The following SLC66A1 variants were observed in gnomAD, a reference collection of about 807,000 sequenced individuals.
SLC66A1 encodes solute carrier family 66 member 1.
A neutral mutation model predicts 33.0 loss-of-function variants in SLC66A1; 23 were observed. The observed-to-expected ratio is 0.70, with a 90% CI of 0.50 to 0.99. SLC66A1 has a LOEUF of 0.99. Among genes scored for constraint, SLC66A1 ranks in the 50% least tolerant of loss-of-function variants. The pLI is 0.00. For missense variants in SLC66A1, 335 were observed against 383.6 expected (o/e 0.87, Z 1.06); for synonymous variants, 164 against 175.5 (o/e 0.93, Z 0.52).
intron 7 of SLC66A1, 83 bp downstream of exon 7, chr1:19,327,495 C>T (rs1372762376): frequency 3.3e-5 from 48 of 1,464,236 alleles, no homozygotes; most frequent in Non-Finnish European, 4.4e-5. Context: ...ACTCATCCGT[C>T]TCTTCCTCCC....
At chr1:19,316,915 T>C (rs1223604001) in intron 1 of SLC66A1, among the ~76,000 whole-genome samples, 2 of 104,926 alleles carry the variant, frequency 1.9e-5, no homozygotes, top group African/African-American at 8.6e-5. Flanking sequence ...TGTCACCTCT[T>C]TTTTTTTTTT....
rs767117968 is a variant in SLC66A1 at position 19,326,571 on chromosome 1, C to T, written c.566C>T (p.Ser189Phe). The T allele has an allele frequency of 1.2e-5, 19 of 1,614,234 alleles. No homozygotes were observed. Among genetic ancestry groups the T allele is most frequent in the Non-Finnish European group, 1.6e-5 (19 of 1,180,048 alleles). ...GAAGTCATTGGCTTCGTCATCGGCT[C>T]CATCTCCAGCGTGTTGTACCTGCTT... ...RQEVIGFVIG[S>F]ISSVLYLLSR... The change falls in exon 6 of 8, where the codon TCC (serine) becomes TTC (phenylalanine). Residue 189 changes from serine (S) to phenylalanine (F), a missense_variant. Ser to Phe is a radical substitution (Grantham distance 155). Coordinates refer to ENST00000375153, the MANE Select transcript of SLC66A1 (RefSeq NM_001040125.2).
intron 2 of SLC66A1, among the ~76,000 whole-genome samples, chr1:19,319,876 C>G (rs2093825673): frequency 6.6e-6 from 1 of 150,486 alleles, no homozygotes; most frequent in African/African-American, 2.4e-5. Flanking sequence ...GCACTCCAGC[C>G]TGGGGGACAA....
intron 1 of SLC66A1, among the ~76,000 whole-genome samples, chr1:19,314,675 C>A (rs963233475): frequency 6.6e-6 from 1 of 152,236 alleles, no homozygotes; most frequent in Non-Finnish European, 1.5e-5. Flanking sequence ...GGTTAATTCA[C>A]TTCCAGGGCT....
intron 6 of SLC66A1, among the ~76,000 whole-genome samples, 192 bp downstream of exon 6, chr1:19,326,815 G>A (rs7540401): frequency 0.21 from 32,501 of 152,240 alleles, 4,107 homozygotes; most frequent in South Asian, 0.33. Context: ...TGGGCGTGGC[G>A]TGGCCTGCCA....
chr1:19,317,877 C>A, intron 2 of SLC66A1, 36 bp downstream of exon 2: 1 of 1,595,072 alleles, frequency 6.3e-7, no homozygotes, highest in Admixed American at 1.7e-5. Flanking sequence ...CAGGGCAGGG[C>A]TGTGGGGTTG....
chr1:19,324,060 C>T (rs2093850657), intron 2 of SLC66A1, among the ~76,000 whole-genome samples: 1 of 152,236 alleles, frequency 6.6e-6, no homozygotes, highest in African/African-American at 2.4e-5. Flanking sequence ...AACCAGGGGA[C>T]CAAAAGCCTA....
chr1:19,314,800 T>G (rs370086778), intron 1 of SLC66A1, among the ~76,000 whole-genome samples: 23 of 152,032 alleles, frequency 1.5e-4, no homozygotes, highest in African/African-American at 4.8e-4. Context: ...GGTGTGGGGG[T>G]GCACCCCAGT....
At chr1:19,317,935 A>T (rs769149960) in intron 2 of SLC66A1, 94 bp downstream of exon 2, 4 of 1,521,540 alleles carry the variant, frequency 2.6e-6, no homozygotes, top group Non-Finnish European at 3.6e-6. Flanking sequence ...CTGGTGGGCC[A>T]CGGGCCTCTC....
chr1:19,331,831 CAT>C (rs1307076984), downstream of SLC66A1, among the ~76,000 whole-genome samples: 1 of 152,202 alleles, frequency 6.6e-6, no homozygotes, highest in African/African-American at 2.4e-5. Context: ...GATGGGATAA[CAT>C]AGCCCCTGCT....
chr1:19,317,433 G>GC (rs2093811850), intron 1 of SLC66A1, among the ~76,000 whole-genome samples, 167 bp from the exon 2 acceptor site: 1 of 152,246 alleles, frequency 6.6e-6, no homozygotes, highest in South Asian at 2.1e-4. Flanking sequence ...TGTGATCTGT[G>GC]CACCTGGGAG....
chr1:19,314,430 A>C (rs904694015), intron 1 of SLC66A1, among the ~76,000 whole-genome samples: 1 of 151,866 alleles, frequency 6.6e-6, no homozygotes, highest in African/African-American at 2.4e-5. Context: ...CCTCGAGACA[A>C]CCCCCCAACA....
At position 19,328,620 on chromosome 1, in the gene SLC66A1, C is replaced by T. The variant is rs1356660197; in HGVS notation, c.853C>T (p.Leu285Phe). ...VYRRSTAASE[L>F]EPLLPS ...CAGGCGCAGCACCGCCGCCTCGGAG[C>T]TTGAGCCCCTCCTCCCCAGCTGACC... Residue 285 changes from leucine to phenylalanine, a missense_variant, in exon 8 of 8, where the codon CTT becomes TTT. Physicochemically the swap from Leu to Phe is conservative, Grantham distance 22. Coordinates refer to ENST00000375153, the MANE Select transcript of SLC66A1 (RefSeq NM_001040125.2). This position sits in a 1 kb window ranked among gnomAD's most constrained non-coding sequence, Gnocchi z 4.7. 1.9e-6 allele frequency: 3 copies of T among 1,613,700 alleles called. No individual in the cohort carries two copies. Among genetic ancestry groups the T allele is most frequent in the East Asian group, 2.2e-5 (1 of 44,880 alleles).
chr1:19,320,060 C>T (rs1265922659), intron 2 of SLC66A1, among the ~76,000 whole-genome samples: 1 of 151,052 alleles, frequency 6.6e-6, no homozygotes, highest in Non-Finnish European at 1.5e-5. Context: ...CCATGCCTGG[C>T]TAATTTATGT....
At position 19,312,672 on chromosome 1, in the gene SLC66A1, G is replaced by C. The variant is rs2093783212; in HGVS notation, c.-296G>C. On this transcript the variant is annotated 5_prime_UTR_variant, in exon 1 of 8. Coordinates refer to ENST00000375153, the MANE Select transcript of SLC66A1 (RefSeq NM_001040125.2). ...TTCGTTTTTCCCGGGCCGGCCGGGC[G>C]AGGGGCCCTCGCGGCGCTGGCCCCA... The C allele has an allele frequency of 1.3e-5, 2 of 152,858 alleles. No homozygotes were observed. Among genetic ancestry groups the C allele is most frequent in the South Asian group, 4.1e-4 (2 of 4,830 alleles). 9.5% of individuals were successfully genotyped at this position (152,858 alleles called of 1,614,324 possible). A position where few individuals can be genotyped will look rare whatever the true frequency, so the allele number is the denominator to read the frequency against.
downstream of SLC66A1, among the ~76,000 whole-genome samples, chr1:19,333,174 C>G (rs967369754): frequency 9.8e-5 from 15 of 152,298 alleles, no homozygotes; most frequent in East Asian, 1.7e-3. This position sits in a 1 kb window ranked among gnomAD's most constrained non-coding sequence, Gnocchi z 4.2. Flanking sequence ...CTCCCTGGCT[C>G]TCTCAGCCCC....
intron 2 of SLC66A1, among the ~76,000 whole-genome samples, chr1:19,323,059 G>T (rs1312804618): frequency 6.6e-6 from 1 of 150,954 alleles, no homozygotes; most frequent in Non-Finnish European, 1.5e-5. Context: ...TTTTTTTTTT[G>T]GTAGAGACAG....
intron 2 of SLC66A1, among the ~76,000 whole-genome samples, chr1:19,323,918 A>G (rs1213689065): frequency 6.6e-6 from 1 of 152,222 alleles, no homozygotes; most frequent in Non-Finnish European, 1.5e-5. Context: ...TCTTGAGGAC[A>G]GAATGAGTCA....
rs764934545 is a variant in SLC66A1 at position 19,328,623 on chromosome 1, G to A, written c.856G>A (p.Glu286Lys). Residue 286 changes from glutamate to lysine, a missense_variant, in exon 8 of 8, where the codon GAG (glutamate) becomes AAG (lysine). Glu to Lys is a moderately conservative substitution (Grantham distance 56). Transcript: ENST00000375153. The surrounding 1 kb of genome is among the most constrained non-coding windows in gnomAD (Gnocchi z 4.7). Reference sequence around the variant, plus strand: ...GCGCAGCACCGCCGCCTCGGAGCTTGAGCCCCTCCTCCCCAGCTGACCAGA... The same window carrying A: ...GCGCAGCACCGCCGCCTCGGAGCTTAAGCCCCTCCTCCCCAGCTGACCAGA... ...YRRSTAASELEPLLPS is the reference protein window; with the variant it reads ...YRRSTAASELKPLLPS 1.2e-6 allele frequency: 2 copies of A among 1,613,812 alleles called. No homozygotes were observed. The highest frequency in any genetic ancestry group is 8.5e-7 in the Non-Finnish European group (1 of 1,179,956).
Sources: gnomAD v4.1 joint callset for allele counts (sites outside exome capture counted in the v4.1 genomes callset) on GRCh38, gnomAD v4.1.1 for gene constraint, Gnocchi (gnomAD v3.1) non-coding constraint, MANE v1.5 for transcripts, NCBI Gene and HGNC (gene_info 2026-07-23, HGNC 2026-07-21) for gene names.